Variants in GRM7 observed in about 807,000 individuals in gnomAD.
GRM7 encodes metabotropic glutamate receptor 7.
A neutral mutation model predicts 84.5 loss-of-function variants in GRM7; 35 were observed. The ratio of observed to expected loss-of-function variants is 0.41; its 90% CI spans 0.32 to 0.55. GRM7 has a LOEUF of 0.55. Among genes scored for constraint, GRM7 ranks in the 20% least tolerant of loss-of-function variants. The pLI, the probability that GRM7 is intolerant of heterozygous loss-of-function variation, is 0.19. For synonymous variants in GRM7, 487 were observed against 455.1 expected, an observed-to-expected ratio of 1.07 and a Z score of -0.89; for missense variants, 1,003 against 1,194.6, an observed-to-expected ratio of 0.84 and a Z score of 2.36.
rs1260289036 is a variant in GRM7 at position 7,452,488 on chromosome 3, C to T, written c.1175-119C>T. 48 of 719,770 alleles carry T rather than the reference C, an allele frequency of 6.7e-5. No homozygotes were observed. The East Asian group carries it at 6.8e-4, about 10-fold the overall frequency. The allele number at this position is 719,770 out of a possible 1,614,324, so 44.6% of individuals were successfully genotyped here. A position where few individuals can be genotyped will look rare whatever the true frequency, so the allele number is the denominator to read the frequency against. Reference sequence around the variant, plus strand: ...ATGTGGCTTGAATTACTGTATTTATCGAAGCAGTGTTTTCTTTAAGCATAA... The same window carrying T: ...ATGTGGCTTGAATTACTGTATTTATTGAAGCAGTGTTTTCTTTAAGCATAA... On this transcript the variant is annotated intron_variant, in intron 5 of 9. Transcript: ENST00000357716.
chr3:7,025,286 C>G (rs1410403311), intron 1 of GRM7, among the ~76,000 whole-genome samples: 1 of 152,160 alleles, frequency 6.6e-6, no homozygotes, highest in Non-Finnish European at 1.5e-5. Context: ...ATATAATGAA[C>G]AAACTCATGG....
At chr3:7,649,252 G>A (rs1698814674) in intron 8 of GRM7, among the ~76,000 whole-genome samples, 1 of 151,930 alleles carries the variant, frequency 6.6e-6, no homozygotes, top group African/African-American at 2.4e-5. Context: ...TGTATTTTTA[G>A]TAGAGACGGG....
At chr3:7,411,888 A>G in intron 4 of GRM7, among the ~76,000 whole-genome samples, 1 of 152,024 alleles carries the variant, frequency 6.6e-6, no homozygotes, top group Non-Finnish European at 1.5e-5. Flanking sequence ...ATTTTTTAAA[A>G]TTTTTGTACT....
intron 1 of GRM7, among the ~76,000 whole-genome samples, chr3:6,869,568 C>CATCTATCTATCTATCTATCTATCT (rs1434542087): frequency 1.4e-4 from 9 of 62,612 alleles, no homozygotes; most frequent in African/African-American, 5.0e-4. Flanking sequence ...GTATAATTTA[C>CATCTATCTATCTATCTATCTATCT]ATCTATCTAT....
In GRM7 at chr3:7,151,967, T is replaced by C. The variant is rs530649611; in HGVS notation, c.736+5299T>C. ...GGTGATTATGGAAAACTCTGACACA[T>C]TTTAAAACTAGGTAGATTATTTTCC... On this transcript the variant is annotated intron_variant, in intron 2 of 9. Coordinates refer to ENST00000357716, the MANE Select transcript of GRM7 (RefSeq NM_000844.4). This position sits in a 1 kb window ranked among gnomAD's most constrained non-coding sequence, Gnocchi z 4.5. Among the ~76,000 whole-genome samples, 3 of 152,240 alleles carry C rather than the reference T, an allele frequency of 2.0e-5. No individual in the cohort carries two copies. Among genetic ancestry groups the C allele is most frequent in the Admixed American group, 2.0e-4 (3 of 15,282 alleles).
At chr3:6,972,500 C>A (rs562819872) in intron 1 of GRM7, among the ~76,000 whole-genome samples, 4 of 152,272 alleles carry the variant, frequency 2.6e-5, no homozygotes, top group African/African-American at 9.6e-5. Context: ...TCATCCAGGG[C>A]CATCTCCAGC....
chr3:6,990,702 T>C (rs1302704775), intron 1 of GRM7, among the ~76,000 whole-genome samples: 1 of 152,222 alleles, frequency 6.6e-6, no homozygotes, highest in African/African-American at 2.4e-5. Context: ...CCTCATTCTC[T>C]TCATGATCTG....
intron 1 of GRM7, among the ~76,000 whole-genome samples, chr3:7,114,892 A>G (rs548107453): frequency 2.0e-5 from 3 of 151,874 alleles, no homozygotes; most frequent in Non-Finnish European, 4.4e-5. Context: ...TGCCCACCCC[A>G]TGTTTTGCCC....
intron 1 of GRM7, among the ~76,000 whole-genome samples, chr3:7,130,130 T>C (rs1693541926): frequency 6.6e-6 from 1 of 152,218 alleles, no homozygotes; most frequent in South Asian, 2.1e-4. Context: ...CATTCCATCT[T>C]TGACCTGTTG....
chr3:7,560,091 C>T (rs556180410), intron 7 of GRM7, among the ~76,000 whole-genome samples: 25 of 152,108 alleles, frequency 1.6e-4, no homozygotes, highest in Non-Finnish European at 3.5e-4. Flanking sequence ...ATCCATAATC[C>T]CTACTATCAG....
intron 2 of GRM7, among the ~76,000 whole-genome samples, chr3:7,162,843 T>C (rs559446375): frequency 1.4e-5 from 2 of 141,278 alleles, no homozygotes; most frequent in Admixed American, 7.4e-5. Context: ...CGCTGCAACC[T>C]CCACCTCCTG....
chr3:7,520,675 C>A (rs559434316), intron 7 of GRM7, among the ~76,000 whole-genome samples: 1 of 152,242 alleles, frequency 6.6e-6, no homozygotes, highest in East Asian at 1.9e-4. Flanking sequence ...GAGCCTGATT[C>A]ACACTGTGCC....
At chr3:7,250,176 G>C (rs1025823411) in intron 2 of GRM7, among the ~76,000 whole-genome samples, 1 of 152,056 alleles carries the variant, frequency 6.6e-6, no homozygotes, top group Admixed American at 6.6e-5. Context: ...TAAATAATCA[G>C]AGCTGCAAAA....
chr3:6,939,444 AAAAC>A (rs1697811865), intron 1 of GRM7, among the ~76,000 whole-genome samples: 1 of 152,212 alleles, frequency 6.6e-6, no homozygotes, highest in African/African-American at 2.4e-5. Flanking sequence ...TTAAAAAAAA[AAAAC>A]AGTTATTCAC....
chr3:7,567,315 A>G (rs1668857346), intron 7 of GRM7, among the ~76,000 whole-genome samples: 1 of 152,196 alleles, frequency 6.6e-6, no homozygotes, highest in Admixed American at 6.5e-5. Context: ...AGACTTTTAA[A>G]AAGAGGCAGT....
At chr3:7,658,914 G>T (rs556134534) in intron 8 of GRM7, among the ~76,000 whole-genome samples, 56 of 152,190 alleles carry the variant, frequency 3.7e-4, no homozygotes, top group Admixed American at 3.2e-3. Context: ...TTTTTGAAAG[G>T]TGAATACTAT....
intron 5 of GRM7, among the ~76,000 whole-genome samples, chr3:7,418,544 A>T (rs1379539582): frequency 1.3e-5 from 2 of 152,132 alleles, no homozygotes; most frequent in South Asian, 2.1e-4. Flanking sequence ...GAAAGATCAG[A>T]TGTGATTTTT....
chr3:7,498,861 T>G (rs13316128), intron 7 of GRM7, among the ~76,000 whole-genome samples: 18,204 of 152,202 alleles, frequency 0.12, 1,166 homozygotes, highest in Non-Finnish European at 0.12. Flanking sequence ...CCCTCCACTT[T>G]CTGTTGTCCT....
intron 1 of GRM7, among the ~76,000 whole-genome samples, chr3:6,968,681 G>C (rs1693622983): frequency 6.6e-6 from 1 of 151,738 alleles, no homozygotes; most frequent in Non-Finnish European, 1.5e-5. Context: ...CTTTTCAGAG[G>C]AATACCCAAG....
Sources: gnomAD v4.1 joint callset for allele counts (sites outside exome capture counted in the v4.1 genomes callset) on GRCh38, gnomAD v4.1.1 for gene constraint, Gnocchi (gnomAD v3.1) non-coding constraint, MANE v1.5 for transcripts, NCBI Gene and HGNC (gene_info 2026-07-23, HGNC 2026-07-21) for gene names.